SSH2: variants seen among roughly 807,000 people sequenced by gnomAD.
SSH2 encodes the protein protein phosphatase Slingshot homolog 2.
In SSH2, 37 loss-of-function variants were observed where a neutral mutation model predicts 135.2. That is an observed-to-expected ratio of 0.27 (90% confidence interval 0.21 to 0.36). The LOEUF is 0.36. SSH2 is among the 10% of genes least tolerant of loss of function. The probability of loss-of-function intolerance (pLI) is 1.00; values close to 1 mark genes in which losing one functional copy is unlikely to be tolerated. For missense variants in SSH2, 1,408 were observed against 1,765.3 expected, an observed-to-expected ratio of 0.80 and a Z score of 3.63; for synonymous variants, 628 against 646.2, an observed-to-expected ratio of 0.97 and a Z score of 0.43.
chr17:29,716,050 T>C (rs931168797), intron 3 of SSH2, among the ~76,000 whole-genome samples: 27 of 152,206 alleles, frequency 1.8e-4, no homozygotes, highest in Non-Finnish European at 3.2e-4. Context: ...TCTCAATTAC[T>C]TTCTCTCACC....
intron 2 of SSH2, among the ~76,000 whole-genome samples, chr17:29,797,665 C>T (rs1286022749): frequency 2.6e-5 from 4 of 152,142 alleles, no homozygotes; most frequent in African/African-American, 7.2e-5. Context: ...GGGAGGCTGA[C>T]GCAGGAGGAT....
chr17:29,917,274 TCATTTTGCTAACTGCAAAGA>T (rs1413622631), intron 1 of SSH2, among the ~76,000 whole-genome samples: 2 of 152,246 alleles, frequency 1.3e-5, no homozygotes, highest in African/African-American at 4.8e-5. Context: ...AAAATTTATC[TCATTTTGCTAACTGCAAAGA>T]TATTTTGCTC....
intron 2 of SSH2, among the ~76,000 whole-genome samples, chr17:29,827,595 T>G (rs549051335): frequency 1.3e-5 from 2 of 152,328 alleles, no homozygotes; most frequent in African/African-American, 4.8e-5. Flanking sequence ...TTTTCTCACT[T>G]TGTCATTCTT....
chr17:29,784,740 C>G (rs534110460), intron 3 of SSH2, among the ~76,000 whole-genome samples: 13 of 152,248 alleles, frequency 8.5e-5, no homozygotes, highest in African/African-American at 2.9e-4. Context: ...AAGGTATAGA[C>G]AGTTACCTTC....
Position 29,760,536 on chromosome 17 carries a change from T to C in SSH2, c.188+33358A>G, listed in dbSNP as rs558016979. On this transcript the variant is annotated intron_variant, in intron 3 of 15. Coordinates refer to ENST00000540801, the MANE Select transcript of SSH2 (RefSeq NM_001282129.2). ...CTAGAGACTTCAAAAACAGCGACGA[T>C]TTAAAGATGCATTTGCGCTTTGGTG... Among the ~76,000 whole-genome samples the C allele has an allele frequency of 2.3e-4, 35 of 152,238 alleles. No individual in the cohort carries two copies. In the South Asian group the frequency reaches 7.1e-3, roughly 31 times the overall value.
At chr17:29,721,967 G>A (rs574175998) in intron 3 of SSH2, among the ~76,000 whole-genome samples, 1 of 152,272 alleles carries the variant, frequency 6.6e-6, no homozygotes, top group South Asian at 2.1e-4. Context: ...GCAGGGTAAT[G>A]TTTCTTGAAA....
chr17:29,632,046 G>C lies in SSH2; in HGVS notation c.3148C>G (p.His1050Asp). ...GCTATTTCACTCCCTGGCCCAGTGT[G>C]ATTGGGTGATGTAACTATGTGGGTA... The part of the protein sequence containing the change: ...EYTHIVTSPN[H>D]TGPGSEIATS... Residue 1050 changes from histidine (H) to aspartate (D), a missense_variant, in exon 16 of 16, where the codon CAC (histidine) becomes GAC (aspartate). Physicochemically the swap from His to Asp is moderately conservative, Grantham distance 81. Transcript: ENST00000540801. The C allele has an allele frequency of 6.2e-7, 1 of 1,614,238 alleles. No homozygotes were observed. Among genetic ancestry groups the C allele is most frequent in the Non-Finnish European group, 8.5e-7 (1 of 1,180,032 alleles).
At chr17:29,673,923 C>T in intron 8 of SSH2, 1 of 315,478 alleles carries the variant, frequency 3.2e-6, no homozygotes, top group East Asian at 7.7e-5. Context: ...ATTTTTCAAT[C>T]ATTTGTTTTT....
At chr17:29,855,613 C>T (rs2065649208) in intron 1 of SSH2, 1 of 152,492 alleles carries the variant, frequency 6.6e-6, no homozygotes, top group Non-Finnish European at 1.5e-5. Flanking sequence ...AAGGCCAAGA[C>T]ATACCCTGGC....
chr17:29,807,420 T>C (rs1032257590), intron 2 of SSH2, among the ~76,000 whole-genome samples: 1 of 152,172 alleles, frequency 6.6e-6, no homozygotes, highest in Non-Finnish European at 1.5e-5. Context: ...ATATTGAATA[T>C]CTCTGAACAG....
chr17:29,767,388 TA>T (rs897955709), intron 3 of SSH2, among the ~76,000 whole-genome samples: 1 of 151,602 alleles, frequency 6.6e-6, no homozygotes, highest in African/African-American at 2.4e-5. Context: ...TTTTTTTTTT[TA>T]GACCTCTCAG....
intron 5 of SSH2, among the ~76,000 whole-genome samples, chr17:29,688,893 C>T (rs184582022): frequency 1.8e-4 from 28 of 152,248 alleles, no homozygotes; most frequent in African/African-American, 6.0e-4. Context: ...CAGTGGCTCA[C>T]GTCTGTAATC....
intron 9 of SSH2, among the ~76,000 whole-genome samples, chr17:29,670,217 A>G (rs576079653): frequency 3.5e-4 from 53 of 152,216 alleles, no homozygotes; most frequent in Admixed American, 1.6e-3. Context: ...GAAAAATGGG[A>G]AGAAAAGTTA....
rs566539057 is a variant in SSH2, at chr17:29,805,707, T to C, written c.145-11770A>G. On this transcript the variant is annotated intron_variant, in intron 2 of 15. Transcript: ENST00000540801. ...CGGAATCAGTACATTAAAAAAGCTC[T>C]GTAGATAACTGATAAGCAGTTAAGA... Among the ~76,000 whole-genome samples the C allele has an allele frequency of 5.9e-5, 9 of 152,244 alleles. No homozygotes were observed. The East Asian group carries it at 1.7e-3, about 29-fold the overall frequency.
At chr17:29,891,524 A>G (rs1027577836) in intron 1 of SSH2, among the ~76,000 whole-genome samples, 2 of 152,134 alleles carry the variant, frequency 1.3e-5, no homozygotes, top group African/African-American at 4.8e-5. Context: ...AAGCAGGCTC[A>G]AGCAAGCAGC....
At chr17:29,761,341 G>A in intron 3 of SSH2, 1 of 1,092,274 alleles carries the variant, frequency 9.2e-7, no homozygotes, top group South Asian at 2.0e-5. Context: ...ACGAGGCGCA[G>A]GCTGCGCGTG....
intron 1 of SSH2, among the ~76,000 whole-genome samples, chr17:29,852,892 C>A (rs909400218): frequency 6.6e-6 from 1 of 151,720 alleles, no homozygotes; most frequent in African/African-American, 2.4e-5. Context: ...CCGGGTTCTG[C>A]AGAGTGAACA....
intron 3 of SSH2, among the ~76,000 whole-genome samples, chr17:29,744,315 C>G (rs1217558009): frequency 6.6e-6 from 1 of 152,132 alleles, no homozygotes; most frequent in Admixed American, 6.5e-5. Flanking sequence ...CCAAGATGGG[C>G]TGGGGTCCCT....
chr17:29,866,331 G>A (rs1567618659), intron 1 of SSH2, among the ~76,000 whole-genome samples: 2 of 152,218 alleles, frequency 1.3e-5, no homozygotes, highest in East Asian at 1.9e-4. Context: ...AGCAAAGTGG[G>A]GTTATCTCCA....
Sources: gnomAD v4.1 joint callset for allele counts (sites outside exome capture counted in the v4.1 genomes callset) on GRCh38, gnomAD v4.1.1 for gene constraint, MANE v1.5 for transcripts, NCBI Gene and HGNC (gene_info 2026-07-23, HGNC 2026-07-21) for gene names.